The following SPIDR variants were observed in gnomAD, a reference collection of about 807,000 sequenced individuals.
SPIDR encodes the protein scaffold protein involved in DNA repair.
A neutral mutation model predicts 104.6 loss-of-function variants in SPIDR; 93 were observed. The ratio of observed to expected loss-of-function variants is 0.89; its 90% CI spans 0.75 to 1.06. SPIDR has a LOEUF of 1.06. Ranked by LOEUF, SPIDR falls within the 50% of genes least tolerant of loss-of-function variation. SPIDR has a pLI of 0.00. For synonymous variants in SPIDR, 431 were observed against 416.9 expected (o/e 1.03, Z -0.41); for missense variants, 1,154 against 1,111.2 (o/e 1.04, Z -0.55).
At chr8:47,632,414 G>A (rs2067203395) in intron 10 of SPIDR, among the ~76,000 whole-genome samples, 2 of 152,106 alleles carry the variant, frequency 1.3e-5, no homozygotes, top group South Asian at 4.1e-4. Context: ...TAATGTGACA[G>A]CCTGGTTCAT....
intron 19 of SPIDR, among the ~76,000 whole-genome samples, chr8:47,734,256 G>A (rs1383863564): frequency 1.3e-5 from 2 of 152,030 alleles, no homozygotes; most frequent in Non-Finnish European, 2.9e-5. Context: ...GCTGGAAGCT[G>A]GGCACCTTTC....
chr8:47,641,006 C>CCTGG (rs1254577471), intron 10 of SPIDR, among the ~76,000 whole-genome samples: 3 of 151,084 alleles, frequency 2.0e-5, no homozygotes, highest in Non-Finnish European at 4.4e-5. Context: ...AGCCACTGCG[C>CCTGG]CTGGCTGAGC....
intron 10 of SPIDR, among the ~76,000 whole-genome samples, chr8:47,621,196 C>T (rs1316974790): frequency 6.6e-6 from 1 of 152,050 alleles, no homozygotes; most frequent in African/African-American, 2.4e-5. Context: ...ACCTTGTGAT[C>T]CGCCCACCTT....
At chr8:47,729,385 A>T (rs1206084503) in intron 18 of SPIDR, 27 bp from the exon 19 acceptor site, 2 of 1,575,478 alleles carry the variant, frequency 1.3e-6, no homozygotes, top group African/African-American at 2.7e-5. Context: ...GAGGGAGTTT[A>T]ACCCAGCCCT....
intron 5 of SPIDR, among the ~76,000 whole-genome samples, chr8:47,335,833 A>G (rs2049611235): frequency 6.6e-6 from 1 of 152,150 alleles, no homozygotes; most frequent in African/African-American, 2.4e-5. Context: ...CTCTGTAAAT[A>G]AGGTGTTTTC....
chr8:47,400,220 G>A (rs1332085975), intron 6 of SPIDR, among the ~76,000 whole-genome samples: 1 of 152,230 alleles, frequency 6.6e-6, no homozygotes, highest in African/African-American at 2.4e-5. Flanking sequence ...ACAACACAGT[G>A]CTGTTTAAGG....
chr8:47,373,352 T>C (rs758184164), intron 5 of SPIDR, among the ~76,000 whole-genome samples: 8 of 152,204 alleles, frequency 5.3e-5, no homozygotes, highest in African/African-American at 9.6e-5. Flanking sequence ...GTTTTACTTA[T>C]AGTGTGGAGA....
At position 47,595,968 on chromosome 8, in the gene SPIDR, G is replaced by A; in HGVS notation, c.1255G>A (p.Val419Ile). The A allele has an allele frequency of 6.2e-7, 1 of 1,613,552 alleles. No individual in the cohort carries two copies. The highest frequency in any genetic ancestry group is 1.1e-5 in the South Asian group (1 of 90,948). Residue 419 changes from valine to isoleucine, a missense_variant, in exon 9 of 20, where the codon GTA (valine) becomes ATA (isoleucine). Physicochemically the swap from Val to Ile is conservative, Grantham distance 29. Coordinates refer to ENST00000297423, the MANE Select transcript of SPIDR (RefSeq NM_001080394.4). ...AAGCATCTCTTTGGCCCAGATGTTT[G>A]TAATTAAGGGTCTAACAAATAATTC... is the stretch of plus-strand genomic sequence containing the variant. ...RRSISLAQMF[V>I]IKGLTNNSPE...
intron 5 of SPIDR, among the ~76,000 whole-genome samples, chr8:47,324,655 A>G (rs1415715827): frequency 6.6e-6 from 1 of 152,294 alleles, no homozygotes; most frequent in African/African-American, 2.4e-5. Flanking sequence ...TCTGAAATCT[A>G]CACCTGAGAT....
intron 8 of SPIDR, among the ~76,000 whole-genome samples, chr8:47,561,659 C>G (rs537918799): frequency 6.6e-6 from 1 of 152,164 alleles, no homozygotes; most frequent in Non-Finnish European, 1.5e-5. Flanking sequence ...AGTGCCCACC[C>G]CTGCCCCTCC....
At chr8:47,343,402 C>G (rs1376443482) in intron 5 of SPIDR, among the ~76,000 whole-genome samples, 1 of 152,146 alleles carries the variant, frequency 6.6e-6, no homozygotes, top group Non-Finnish European at 1.5e-5. Context: ...AATCAATGAA[C>G]TAATGAAGTG....
At chr8:47,607,995 G>C (rs941888889) in intron 10 of SPIDR, among the ~76,000 whole-genome samples, 2 of 152,066 alleles carry the variant, frequency 1.3e-5, no homozygotes, top group Non-Finnish European at 2.9e-5. Flanking sequence ...TATTTAAAGT[G>C]TACAATTCAA....
At chr8:47,377,066 A>G (rs935895739) in intron 5 of SPIDR, among the ~76,000 whole-genome samples, 13 of 152,096 alleles carry the variant, frequency 8.5e-5, no homozygotes, top group Non-Finnish European at 1.3e-4. Context: ...CTTTATAGAA[A>G]AGCTTGCTGA....
chr8:47,315,335 AT>A, intron 5 of SPIDR, among the ~76,000 whole-genome samples: 1 of 152,266 alleles, frequency 6.6e-6, no homozygotes, highest in Non-Finnish European at 1.5e-5. Flanking sequence ...GTCTCACTAC[AT>A]TTCAAAAGTT....
chr8:47,424,401 C>T (rs1554683204), intron 7 of SPIDR, among the ~76,000 whole-genome samples: 1 of 152,182 alleles, frequency 6.6e-6, no homozygotes, highest in African/African-American at 2.4e-5. Flanking sequence ...ACCGCCTGGG[C>T]TCAAGGGCTC....
At chr8:47,311,741 T>G (rs995221356) in intron 5 of SPIDR, among the ~76,000 whole-genome samples, 1 of 152,132 alleles carries the variant, frequency 6.6e-6, no homozygotes, top group African/African-American at 2.4e-5. Context: ...TATTATACTT[T>G]AAGTTTTAGG....
intron 17 of SPIDR, among the ~76,000 whole-genome samples, chr8:47,727,790 T>C (rs1178235748): frequency 1.3e-5 from 2 of 152,274 alleles, no homozygotes; most frequent in East Asian, 3.9e-4. Context: ...TGTCATGTGA[T>C]AGAAAGGGAC....
At chr8:47,718,448 C>T (rs946793090) in intron 16 of SPIDR, among the ~76,000 whole-genome samples, 2 of 151,540 alleles carry the variant, frequency 1.3e-5, no homozygotes, top group Non-Finnish European at 2.9e-5. Context: ...TGTATTTAGG[C>T]AGTTTTTCCT....
chr8:47,370,195 G>A (rs2154294583), intron 5 of SPIDR, among the ~76,000 whole-genome samples: 1 of 152,166 alleles, frequency 6.6e-6, no homozygotes, highest in South Asian at 2.1e-4. Context: ...TTTCCTGTGT[G>A]TAACATCTTA....
Sources: allele counts gnomAD v4.1 joint callset (sites outside exome capture counted in the v4.1 genomes callset), GRCh38; gene constraint gnomAD v4.1.1; transcripts MANE v1.5; gene names NCBI Gene and HGNC (gene_info 2026-07-23, HGNC 2026-07-21).